RCBTB1: variants seen among roughly 807,000 people sequenced by gnomAD.
The protein encoded by RCBTB1 is RCC1 and BTB domain-containing protein 1.
Under a neutral mutation model 62.4 loss-of-function variants are expected in RCBTB1, and 46 were observed. That is an observed-to-expected ratio of 0.74 (90% CI 0.58 to 0.94). The LOEUF is 0.94. Among genes scored for constraint, RCBTB1 ranks in the 40% least tolerant of loss-of-function variants. RCBTB1 has a pLI of 0.00. For missense variants in RCBTB1, 565 were observed against 654.9 expected, an observed-to-expected ratio of 0.86 and a Z score of 1.50; for synonymous variants, 222 against 245.8, an observed-to-expected ratio of 0.90 and a Z score of 0.91.
chr13:49,583,006 G>A lies in RCBTB1; in HGVS notation c.-121-2422C>T, dbSNP rs558001254. Among the ~76,000 whole-genome samples, 125 of 152,244 alleles carry A rather than the reference G, an allele frequency of 8.2e-4. 1 individual carries two copies. The highest frequency in any genetic ancestry group is 3.4e-3 in the Middle Eastern group (1 of 294). On this transcript the variant is annotated intron_variant, in intron 1 of 12. Transcript: ENST00000378302. ...AGCCTGGGCAACATAGGGAGACCCT[G>A]TCTCTACAAAAAATAAAAAAATTAG...
At chr13:49,561,321 C>A (rs1411149176) in intron 4 of RCBTB1, among the ~76,000 whole-genome samples, 1 of 152,180 alleles carries the variant, frequency 6.6e-6, no homozygotes, top group East Asian at 1.9e-4. Flanking sequence ...ACGAAGACAG[C>A]CCACACAAAC....
At chr13:49,550,833 G>A (rs1961264742) in intron 8 of RCBTB1, among the ~76,000 whole-genome samples, 1 of 152,142 alleles carries the variant, frequency 6.6e-6, no homozygotes, top group Non-Finnish European at 1.5e-5. Context: ...GGCACGGTGG[G>A]GCTCATGCCT....
chr13:49,539,821 A>G (rs1419085509), intron 12 of RCBTB1, among the ~76,000 whole-genome samples: 1 of 152,226 alleles, frequency 6.6e-6, no homozygotes, highest in African/African-American at 2.4e-5. Context: ...TCAAATATTT[A>G]TAATCAGAAT....
At chr13:49,554,708 G>A (rs1998780) in intron 6 of RCBTB1, among the ~76,000 whole-genome samples, 129,207 of 152,144 alleles carry the variant, frequency 0.85, 54,993 homozygotes, top group East Asian at 0.9. Context: ...TAGGCTGTGC[G>A]CTCCATATGA....
intron 12 of RCBTB1, among the ~76,000 whole-genome samples, chr13:49,536,023 CAA>C (rs1278525748): frequency 3.0e-4 from 24 of 79,936 alleles, no homozygotes; most frequent in Middle Eastern, 8.6e-3. Flanking sequence ...AACTCCATCT[CAA>C]AAAAAAAAAA....
At chr13:49,538,221 T>C (rs1960076777) in intron 12 of RCBTB1, 1 of 152,440 alleles carries the variant, frequency 6.6e-6, no homozygotes, top group African/African-American at 2.4e-5. Context: ...CTCAAACTCC[T>C]AGCCTCAAGC....
chr13:49,566,223 TCCCCCTATGCGAGAAAC>T lies in RCBTB1; in HGVS notation c.277+378_277+394del, dbSNP rs1420641371. 4.1e-5 allele frequency among the ~76,000 whole-genome samples: 6 copies of T among 147,192 alleles called. No homozygotes were observed. The East Asian group carries it at 1.2e-3, about 29-fold the overall frequency. On this transcript the variant is annotated intron_variant, in intron 4 of 12. Coordinates refer to ENST00000378302, the MANE Select transcript of RCBTB1 (RefSeq NM_018191.4). ...ACTATTGTCCTATGACCCTGCCAAA[TCCCCCTATGCGAGAAAC>T]ACCCAAGAATGATCAATAAAAAAAT... is the stretch of plus-strand genomic sequence containing the variant.
At chr13:49,556,809 T>C (rs1436182510) in intron 5 of RCBTB1, among the ~76,000 whole-genome samples, 1 of 152,214 alleles carries the variant, frequency 6.6e-6, no homozygotes, top group East Asian at 1.9e-4. Flanking sequence ...ATTATGCAAA[T>C]ATTAATATTC....
chr13:49,541,743 T>G lies in RCBTB1; in HGVS notation c.1257A>C (p.Pro419=), dbSNP rs374958508. Residue 419 remains proline, a synonymous_variant, in exon 11 of 13, where the codon CCA becomes CCC. Transcript: ENST00000378302. ...EVIEIDQFSY[P]VYRAFLQYLY... ...GGTACTGGAGAAAGGCACGATACAC[T>G]GGGTAAGAAAACTGATCGATTTCTA... The G allele has an allele frequency of 3.2e-5, 52 of 1,613,964 alleles. No individual in the cohort carries two copies. Among genetic ancestry groups the G allele is most frequent in the African/African-American group, 1.1e-4 (8 of 74,896 alleles).
At chr13:49,574,443 CT>C (rs1379828558) in intron 2 of RCBTB1, among the ~76,000 whole-genome samples, 5 of 152,254 alleles carry the variant, frequency 3.3e-5, no homozygotes, top group African/African-American at 1.2e-4. Flanking sequence ...ATAACAAACA[CT>C]TTGTGACCAA....
chr13:49,551,223 T>C, intron 8 of RCBTB1, 103 bp downstream of exon 8: 4 of 1,353,810 alleles, frequency 3.0e-6, no homozygotes, highest in South Asian at 2.8e-5. Context: ...ATGAGAATGT[T>C]AATAAACAGA....
At chr13:49,558,839 C>T (rs929971804) in intron 5 of RCBTB1, among the ~76,000 whole-genome samples, 2 of 152,188 alleles carry the variant, frequency 1.3e-5, no homozygotes, top group Non-Finnish European at 1.5e-5. Flanking sequence ...GGAGGTGCCC[C>T]TTGTAATTTT....
chr13:49,566,469 A>T, intron 4 of RCBTB1, 149 bp downstream of exon 4: 2 of 732,548 alleles, frequency 2.7e-6, no homozygotes, highest in Non-Finnish European at 4.2e-6. Flanking sequence ...CGAAGTGTTT[A>T]ACTTTCACCT....
At chr13:49,549,922 T>G (rs1441459269) in intron 8 of RCBTB1, 2 of 984,648 alleles carry the variant, frequency 2.0e-6, no homozygotes, top group Non-Finnish European at 2.4e-6. Flanking sequence ...GACCAGCAAA[T>G]CCAAGCAAAT....
chr13:49,549,786 A>G (rs945760363), intron 8 of RCBTB1, 138 bp from the exon 9 acceptor site: 12 of 1,431,764 alleles, frequency 8.4e-6, no homozygotes, highest in Non-Finnish European at 1.1e-5. Context: ...CTGCCAAGTC[A>G]CAGCAACAAA....
intron 12 of RCBTB1, among the ~76,000 whole-genome samples, chr13:49,536,958 T>C (rs1359793797): frequency 2.0e-5 from 3 of 152,358 alleles, no homozygotes; most frequent in Middle Eastern, 3.4e-3. Flanking sequence ...TGTTTTTCCT[T>C]TCCACAAATT....
At chr13:49,559,263 G>T (rs1177971812) in intron 5 of RCBTB1, among the ~76,000 whole-genome samples, 1 of 152,214 alleles carries the variant, frequency 6.6e-6, no homozygotes, top group African/African-American at 2.4e-5. Context: ...GAACCTTGAG[G>T]ATATTATGCT....
chr13:49,558,722 C>G (rs562680387), intron 5 of RCBTB1, among the ~76,000 whole-genome samples: 122 of 123,278 alleles, frequency 9.9e-4, no homozygotes, highest in Non-Finnish European at 1.0e-3. Context: ...AAAAAATTCA[C>G]AAAGTAGACA....
chr13:49,554,945 A>G (rs7328536), intron 6 of RCBTB1, among the ~76,000 whole-genome samples: 37,260 of 152,138 alleles, frequency 0.24, 5,908 homozygotes, highest in African/African-American at 0.44. Flanking sequence ...GGTAGTAAAT[A>G]GCCTATTTAA....
Sources: allele counts gnomAD v4.1 joint callset (sites outside exome capture counted in the v4.1 genomes callset), GRCh38; gene constraint gnomAD v4.1.1; transcripts MANE v1.5; gene names NCBI Gene and HGNC (gene_info 2026-07-23, HGNC 2026-07-21).